GNAQ: variants seen among roughly 807,000 people sequenced by gnomAD.
The protein encoded by GNAQ is guanine nucleotide-binding protein G(q) subunit alpha.
In GNAQ, 8 loss-of-function variants were observed where a neutral mutation model predicts 43.9. The observed-to-expected ratio is 0.18, with a 90% CI of 0.11 to 0.33. The LOEUF is 0.33. GNAQ is among the 10% of genes least tolerant of loss of function. The probability of loss-of-function intolerance (pLI) is 1.00; values close to 1 mark genes in which losing one functional copy is unlikely to be tolerated. For missense variants in GNAQ, 158 were observed against 450.8 expected (o/e 0.35, Z 5.88); for synonymous variants, 155 against 170.7 (o/e 0.91, Z 0.71).
At chr9:77,829,675 A>C (rs1446011988) in intron 2 of GNAQ, among the ~76,000 whole-genome samples, 2 of 152,138 alleles carry the variant, frequency 1.3e-5, no homozygotes, top group Non-Finnish European at 2.9e-5. Context: ...TAGCTCTTGG[A>C]CTCAAAGTGG....
At chr9:78,009,775 C>G (rs1930544) in intron 1 of GNAQ, among the ~76,000 whole-genome samples, 1 of 152,068 alleles carries the variant, frequency 6.6e-6, no homozygotes, top group Non-Finnish European at 1.5e-5. Context: ...AGGATGTTCC[C>G]AGAATTAGGA....
intron 1 of GNAQ, among the ~76,000 whole-genome samples, chr9:77,983,793 C>A (rs527605261): frequency 1.2e-3 from 186 of 152,154 alleles, no homozygotes; most frequent in African/African-American, 4.3e-3. Flanking sequence ...GAAATGACCA[C>A]TGACTCTATT....
intron 1 of GNAQ, among the ~76,000 whole-genome samples, chr9:78,015,271 C>T (rs747973504): frequency 1.3e-5 from 2 of 152,184 alleles, no homozygotes; most frequent in Admixed American, 6.5e-5. Flanking sequence ...ACCACATAGC[C>T]TATATGTGTG....
intron 5 of GNAQ, among the ~76,000 whole-genome samples, chr9:77,741,615 A>C (rs1422626804): frequency 1.3e-5 from 2 of 152,222 alleles, no homozygotes; most frequent in African/African-American, 4.8e-5. Flanking sequence ...GTGTCAGGGC[A>C]GTATATTTAG....
At chr9:77,795,692 ATTC>A (rs1435489789) in intron 4 of GNAQ, among the ~76,000 whole-genome samples, 2 of 152,196 alleles carry the variant, frequency 1.3e-5, no homozygotes, top group African/African-American at 4.8e-5. Context: ...CAAAGCCAGA[ATTC>A]TTAGATCTTC....
At chr9:77,932,553 T>TCCA (rs1829167701) in intron 1 of GNAQ, among the ~76,000 whole-genome samples, 1 of 152,132 alleles carries the variant, frequency 6.6e-6, no homozygotes. Flanking sequence ...GAAACAGCAT[T>TCCA]CCAAGCAGTT....
intron 4 of GNAQ, among the ~76,000 whole-genome samples, chr9:77,795,624 G>C (rs1223796961): frequency 6.6e-6 from 1 of 152,182 alleles, no homozygotes; most frequent in African/African-American, 2.4e-5. Context: ...GTAAGGCACA[G>C]GAGAGAGATC....
chr9:77,982,384 T>G (rs1823378755), intron 1 of GNAQ, among the ~76,000 whole-genome samples: 1 of 152,184 alleles, frequency 6.6e-6, no homozygotes, highest in African/African-American at 2.4e-5. Flanking sequence ...TACTTAAGAA[T>G]GGCAAGTTAA....
chr9:77,764,584 T>A (rs978469344), intron 5 of GNAQ, among the ~76,000 whole-genome samples: 3 of 151,818 alleles, frequency 2.0e-5, no homozygotes, highest in Non-Finnish European at 2.9e-5. Flanking sequence ...GCCTCCCGAG[T>A]AACTGGGACT....
intron 1 of GNAQ, among the ~76,000 whole-genome samples, chr9:77,931,506 G>A (rs1455271127): frequency 1.3e-5 from 2 of 151,922 alleles, no homozygotes; most frequent in East Asian, 3.9e-4. Context: ...CAGGAGGATG[G>A]CGTGAGCCCC....
chr9:77,919,732 TG>T (rs1828967948), intron 2 of GNAQ, among the ~76,000 whole-genome samples: 1 of 152,114 alleles, frequency 6.6e-6, no homozygotes, highest in Non-Finnish European at 1.5e-5. Context: ...AGTCATGATA[TG>T]TAGGAGGATT....
intron 1 of GNAQ, among the ~76,000 whole-genome samples, chr9:77,942,585 C>A (rs890426481): frequency 1.3e-5 from 2 of 152,110 alleles, no homozygotes; most frequent in African/African-American, 4.8e-5. Context: ...ATAAGGCATT[C>A]CCAATAGATT....
Position 77,985,393 on chromosome 9 carries a change from T to C in GNAQ, c.136+45707A>G, listed in dbSNP as rs538865081. Among the ~76,000 whole-genome samples the C allele has an allele frequency of 1.2e-4, 19 of 152,234 alleles. No individual in the cohort carries two copies. The South Asian group carries it at 3.7e-3, about 30-fold the overall frequency. ...TCCTTTTACAGAGATCCACATCACATCATATAATGGAGGAGACTGAAGACA... is the reference window on the plus strand; with the variant it reads ...TCCTTTTACAGAGATCCACATCACACCATATAATGGAGGAGACTGAAGACA... On this transcript the variant is annotated intron_variant, in intron 1 of 6. Transcript: ENST00000286548.
intron 1 of GNAQ, among the ~76,000 whole-genome samples, chr9:77,927,155 T>C (rs911460605): frequency 7.9e-5 from 12 of 152,202 alleles, no homozygotes; most frequent in African/African-American, 2.9e-4. Context: ...CACATACAAG[T>C]TCTGCCAAAA....
chr9:78,022,516 G>A (rs1409245439), intron 1 of GNAQ, among the ~76,000 whole-genome samples: 2 of 152,114 alleles, frequency 1.3e-5, no homozygotes, highest in African/African-American at 2.4e-5. Flanking sequence ...CATAAAAGGT[G>A]CTTATTTAGC....
chr9:77,784,027 A>C (rs927481494), intron 5 of GNAQ, among the ~76,000 whole-genome samples: 2 of 152,238 alleles, frequency 1.3e-5, no homozygotes, highest in Non-Finnish European at 2.9e-5. Context: ...GAAATACGTA[A>C]GTTTACAATC....
chr9:77,928,678 C>T (rs1406666801), intron 1 of GNAQ, among the ~76,000 whole-genome samples: 1 of 152,130 alleles, frequency 6.6e-6, no homozygotes, highest in Non-Finnish European at 1.5e-5. Context: ...CAGTTGGTTG[C>T]AGAACTTCCT....
At chr9:77,957,803 C>A (rs767865938) in intron 1 of GNAQ, among the ~76,000 whole-genome samples, 1 of 152,116 alleles carries the variant, frequency 6.6e-6, no homozygotes, top group Non-Finnish European at 1.5e-5. Flanking sequence ...AGAGGCAAGT[C>A]TAGTCAGAAA....
chr9:77,742,019 T>G (rs1825660060), intron 5 of GNAQ, among the ~76,000 whole-genome samples: 1 of 152,204 alleles, frequency 6.6e-6, no homozygotes, highest in South Asian at 2.1e-4. Flanking sequence ...AGTGATTTAT[T>G]TTGTCCATGT....
Sources: gnomAD v4.1 joint callset for allele counts (sites outside exome capture counted in the v4.1 genomes callset) on GRCh38, gnomAD v4.1.1 for gene constraint, MANE v1.5 for transcripts, NCBI Gene and HGNC (gene_info 2026-07-23, HGNC 2026-07-21) for gene names.